The following KATNIP variants were observed in gnomAD, a reference collection of about 807,000 sequenced individuals.
KATNIP encodes katanin interacting protein, also known as katanin-interacting protein.
KATNIP carries 126 observed loss-of-function variants against 174.0 expected under a neutral mutation model. The observed-to-expected ratio is 0.72, with a 90% confidence interval of 0.63 to 0.84. The LOEUF is 0.84. Ranked by LOEUF, KATNIP falls within the 40% of genes least tolerant of loss-of-function variation. The probability of loss-of-function intolerance (pLI) is 0.00; values close to 1 mark genes in which losing one functional copy is unlikely to be tolerated. For missense variants in KATNIP, 1,958 were observed against 2,109.7 expected, an observed-to-expected ratio of 0.93 and a Z score of 1.41; for synonymous variants, 810 against 835.7, an observed-to-expected ratio of 0.97 and a Z score of 0.53.
At chr16:27,750,383 G>C in intron 16 of KATNIP, 77 bp downstream of exon 16, 1 of 1,428,854 alleles carries the variant, frequency 7.0e-7, no homozygotes, top group Non-Finnish European at 9.5e-7. Flanking sequence ...AAACAGACCA[G>C]CTGGCTAGCC....
chr16:27,556,151 T>G (rs2089618881), intron 1 of KATNIP, among the ~76,000 whole-genome samples: 1 of 151,800 alleles, frequency 6.6e-6, no homozygotes, highest in African/African-American at 2.4e-5. Flanking sequence ...AGTTCCTATA[T>G]AGTAGCTGTT....
intron 6 of KATNIP, among the ~76,000 whole-genome samples, chr16:27,674,745 T>G (rs2078049816): frequency 6.6e-6 from 1 of 152,208 alleles, no homozygotes; most frequent in Non-Finnish European, 1.5e-5. Flanking sequence ...TGGACATCTT[T>G]GGGGGCTATT....
chr16:27,584,058 A>G (rs553796660), intron 2 of KATNIP, among the ~76,000 whole-genome samples: 85 of 152,202 alleles, frequency 5.6e-4, no homozygotes, highest in African/African-American at 1.9e-3. Flanking sequence ...GTTTCTTTCT[A>G]TATAGAATGG....
intron 2 of KATNIP, among the ~76,000 whole-genome samples, chr16:27,599,058 G>T (rs1567477384): frequency 6.6e-6 from 1 of 152,192 alleles, no homozygotes; most frequent in Non-Finnish European, 1.5e-5. Flanking sequence ...CAGCAGCTGG[G>T]GCATGTGAGC....
At position 27,770,983 on chromosome 16, in the gene KATNIP, C is replaced by A. The variant is rs184162990; in HGVS notation, c.4134-605C>A. On this transcript the variant is annotated intron_variant, in intron 21 of 27. Coordinates refer to ENST00000261588, the MANE Select transcript of KATNIP (RefSeq NM_015202.5). ...CAGCCCAGTGACTTCCCACCTTGGG[C>A]CTTTGCTCTGCTGCTCCTCTGCGTG... Among the ~76,000 whole-genome samples, 11 of 152,298 alleles carry A rather than the reference C, an allele frequency of 7.2e-5. No homozygotes were observed. In the East Asian group the frequency reaches 2.1e-3, roughly 29 times the overall value.
chr16:27,729,896 C>G (rs1323068625), intron 14 of KATNIP, among the ~76,000 whole-genome samples: 1 of 152,244 alleles, frequency 6.6e-6, no homozygotes, highest in Non-Finnish European at 1.5e-5. Context: ...CTGCCTGTTG[C>G]TGCATGATAC....
chr16:27,590,441 G>A (rs2075129133), intron 2 of KATNIP, among the ~76,000 whole-genome samples: 1 of 151,948 alleles, frequency 6.6e-6, no homozygotes, highest in South Asian at 2.1e-4. Context: ...CCAAGTGCTA[G>A]GATTACAGGC....
intron 5 of KATNIP, among the ~76,000 whole-genome samples, chr16:27,639,140 C>T (rs550498940): frequency 3.9e-5 from 6 of 152,200 alleles, no homozygotes; most frequent in Non-Finnish European, 7.3e-5. Context: ...CACTGGCCTC[C>T]AGATCCCTTG....
chr16:27,716,200 GA>G (rs1486183329), intron 13 of KATNIP, among the ~76,000 whole-genome samples: 1 of 152,168 alleles, frequency 6.6e-6, no homozygotes. Flanking sequence ...GCCAGACACA[GA>G]AGGCTATATG....
At chr16:27,758,640 T>C (rs2081829802) in intron 18 of KATNIP, among the ~76,000 whole-genome samples, 1 of 152,194 alleles carries the variant, frequency 6.6e-6, no homozygotes, top group Non-Finnish European at 1.5e-5. Flanking sequence ...GGCCGCTTGG[T>C]TCCACCTATG....
intron 14 of KATNIP, among the ~76,000 whole-genome samples, chr16:27,739,829 T>A (rs2081032762): frequency 6.6e-6 from 1 of 151,734 alleles, no homozygotes; most frequent in Non-Finnish European, 1.5e-5. Flanking sequence ...AGGCCGTCTC[T>A]TTGTGAAAGT....
At chr16:27,762,285 C>T (rs1348657489) in intron 19 of KATNIP, among the ~76,000 whole-genome samples, 1 of 152,156 alleles carries the variant, frequency 6.6e-6, no homozygotes, top group South Asian at 2.1e-4. Flanking sequence ...CTTTCTTAAC[C>T]TCTTCAATAA....
At chr16:27,634,018 G>T (rs2076566532) in intron 5 of KATNIP, among the ~76,000 whole-genome samples, 1 of 152,198 alleles carries the variant, frequency 6.6e-6, no homozygotes, top group Admixed American at 6.5e-5. Flanking sequence ...TGTTGCTAAT[G>T]AGGCCTTTCT....
rs576344514 is a variant in KATNIP at position 27,578,971 on chromosome 16, A to G, written c.63+5015A>G. Among the ~76,000 whole-genome samples, 43 of 152,308 alleles carry G rather than the reference A, an allele frequency of 2.8e-4. No homozygotes were observed. In the South Asian group the frequency reaches 8.7e-3, roughly 31 times the overall value. The stretch of plus-strand genomic sequence containing the variant: ...AGCTGGTAAAAATATTCTTAGCCTC[A>G]TTTCTAACAAGTATTCATGGTTCCT... On this transcript the variant is annotated intron_variant, in intron 2 of 27. Coordinates refer to ENST00000261588, the MANE Select transcript of KATNIP (RefSeq NM_015202.5).
Position 27,744,123 on chromosome 16 carries a change from C to T in KATNIP, c.2623+3203C>T, listed in dbSNP as rs79434288. Reference sequence around the variant, plus strand: ...TTATCCATTACCCAGAGCCAAATACCGTAGCCATGCCCTTCCGGAAAGGTA... The same window carrying T: ...TTATCCATTACCCAGAGCCAAATACTGTAGCCATGCCCTTCCGGAAAGGTA... On this transcript the variant is annotated intron_variant, in intron 15 of 27. Transcript: ENST00000261588. Among the ~76,000 whole-genome samples, 45 of 152,270 alleles carry T rather than the reference C, an allele frequency of 3.0e-4. No homozygotes were observed. In the East Asian group the frequency reaches 6.7e-3, roughly 23 times the overall value.
Position 27,721,624 on chromosome 16 carries a change from C to A in KATNIP, c.1672C>A (p.Arg558=). 1.9e-6 allele frequency: 3 copies of A among 1,614,122 alleles called. No homozygotes were observed. The highest frequency in any genetic ancestry group is 2.5e-6 in the Non-Finnish European group (3 of 1,180,000). ...HPPLQLFFVI[R]NTRQLGDFHL... ...ACCACTCCAGCTGTTTTTTGTTATT[C>A]GAAACACAAGACAGCTGGGGGACTT... The change falls in exon 14 of 28, where the codon CGA becomes AGA. Residue 558 remains arginine, a synonymous_variant. Transcript: ENST00000261588.
At chr16:27,568,955 C>T (rs1381781572) in intron 1 of KATNIP, among the ~76,000 whole-genome samples, 1 of 152,178 alleles carries the variant, frequency 6.6e-6, no homozygotes, top group Non-Finnish European at 1.5e-5. Context: ...ACCCCCACCA[C>T]TCCCCTCCCA....
chr16:27,656,286 T>A (rs1252075201), intron 6 of KATNIP, among the ~76,000 whole-genome samples: 1 of 151,370 alleles, frequency 6.6e-6, no homozygotes, highest in Non-Finnish European at 1.5e-5. Flanking sequence ...GGTGTGGTGG[T>A]GCATGCCTGT....
intron 19 of KATNIP, among the ~76,000 whole-genome samples, chr16:27,762,398 A>T (rs1046765415): frequency 6.6e-6 from 1 of 152,196 alleles, no homozygotes; most frequent in Non-Finnish European, 1.5e-5. Flanking sequence ...ACACATGTTC[A>T]TCCATTGAAG....
Sources: allele counts gnomAD v4.1 joint callset (sites outside exome capture counted in the v4.1 genomes callset), GRCh38; gene constraint gnomAD v4.1.1; transcripts MANE v1.5; gene names NCBI Gene and HGNC (gene_info 2026-07-23, HGNC 2026-07-21).